RHOQ: variants seen among roughly 807,000 people sequenced by gnomAD.
RHOQ encodes the protein ras homolog family member Q, also known as rho-related GTP-binding protein RhoQ.
RHOQ carries 7 observed loss-of-function variants against 25.8 expected under a neutral mutation model. The observed-to-expected ratio is 0.27, with a 90% CI of 0.15 to 0.51. The LOEUF (loss-of-function observed/expected upper bound fraction) is 0.51, where lower values mean the gene tolerates loss of function less well. RHOQ is among the 20% of genes least tolerant of loss of function. RHOQ has a pLI of 0.97. For missense variants in RHOQ, 165 were observed against 260.6 expected (o/e 0.63, Z 2.53); for synonymous variants, 97 against 98.6 (o/e 0.98, Z 0.10).
At position 46,569,100 on chromosome 2, in the gene RHOQ, G is replaced by A. The variant is rs1169434037; in HGVS notation, c.202-6987G>A. 2 of 152,202 alleles carry A rather than the reference G, an allele frequency of 1.3e-5. No homozygotes were observed. The highest frequency in any genetic ancestry group is 2.9e-5 in the Non-Finnish European group (2 of 68,046). The allele number at this position is 152,202 out of a possible 1,614,324, so 9.4% of individuals were successfully genotyped here. A position where few individuals can be genotyped will look rare whatever the true frequency, so the allele number is the denominator to read the frequency against. On this transcript the variant is annotated intron_variant, in intron 2 of 4. Transcript: ENST00000238738. This position sits in a 1 kb window ranked among gnomAD's most constrained non-coding sequence, Gnocchi z 4.1. ...CACCTCACCATGCACAGAAGAAATA[G>A]CACTGGCTCCGAAGTTGTGGTTTGT...
rs1482031535 is a variant in RHOQ, at chr2:46,555,270, GC to G, written c.201+11459del. 1.3e-5 allele frequency among the ~76,000 whole-genome samples: 2 copies of G among 152,234 alleles called. No homozygotes were observed. Among genetic ancestry groups the G allele is most frequent in the African/African-American group, 4.8e-5 (2 of 41,462 alleles). The stretch of plus-strand genomic sequence containing the variant: ...CCACTAAGTGAATTGTCTCCAGGCT[GC>G]ACTCTAGCATTTGGTTTTATTCATG... On this transcript the variant is annotated intron_variant, in intron 2 of 4. Transcript: ENST00000238738. The surrounding 1 kb of genome is among the most constrained non-coding windows in gnomAD (Gnocchi z 4.3).
chr2:46,558,405 C>T (rs1668467217), intron 2 of RHOQ, among the ~76,000 whole-genome samples: 1 of 152,240 alleles, frequency 6.6e-6, no homozygotes, highest in African/African-American at 2.4e-5. Context: ...TTTATTCCTT[C>T]ATACCGGACT....
chr2:46,564,210 C>G (rs919521376), intron 2 of RHOQ, among the ~76,000 whole-genome samples: 1 of 152,052 alleles, frequency 6.6e-6, no homozygotes, highest in Non-Finnish European at 1.5e-5. Flanking sequence ...AAGACTGAGG[C>G]AGGAAGATTG....
chr2:46,575,839 T>C (rs1014435553), intron 2 of RHOQ, among the ~76,000 whole-genome samples: 3 of 152,220 alleles, frequency 2.0e-5, no homozygotes, highest in African/African-American at 7.2e-5. Flanking sequence ...TTAGTGATCA[T>C]AATGTATTTT....
chr2:46,543,694 T>C, intron 1 of RHOQ, 60 bp from the exon 2 acceptor site: 1 of 1,519,888 alleles, frequency 6.6e-7, no homozygotes, highest in Non-Finnish European at 9.1e-7. Flanking sequence ...GGGAGCGAAA[T>C]TGCCCCAGAG....
In RHOQ at chr2:46,576,982, T is replaced by C; in HGVS notation, c.462+326T>C. 1 of 198,878 alleles carries C rather than the reference T, an allele frequency of 5.0e-6. No individual in the cohort carries two copies. The highest frequency in any genetic ancestry group is 1.0e-5 in the Non-Finnish European group (1 of 99,080). 12.3% of individuals were successfully genotyped at this position (198,878 alleles called of 1,614,324 possible). A position where few individuals can be genotyped will look rare whatever the true frequency, so the allele number is the denominator to read the frequency against. On this transcript the variant is annotated intron_variant, in intron 4 of 4. Transcript: ENST00000238738. The surrounding 1 kb of genome is among the most constrained non-coding windows in gnomAD (Gnocchi z 5.1). Reference sequence around the variant, plus strand: ...AGTGATATTTTCCTAAAAAGTCACATATGGAAAAAAGCATCGGAAACACGT... The same window carrying C: ...AGTGATATTTTCCTAAAAAGTCACACATGGAAAAAAGCATCGGAAACACGT...
intron 2 of RHOQ, among the ~76,000 whole-genome samples, chr2:46,563,136 T>C (rs556725520): frequency 6.6e-6 from 1 of 152,128 alleles, no homozygotes; most frequent in South Asian, 2.1e-4. Flanking sequence ...ACTCAGAGAC[T>C]CAGGAGGTCT....
chr2:46,569,890 A>G lies in RHOQ; in HGVS notation c.202-6197A>G, dbSNP rs1406951291. On this transcript the variant is annotated intron_variant, in intron 2 of 4. Coordinates refer to ENST00000238738, the MANE Select transcript of RHOQ (RefSeq NM_012249.4). The surrounding 1 kb of genome is among the most constrained non-coding windows in gnomAD (Gnocchi z 4.1). ...CAGTGACCTCTTAAGAATTTATAGC[A>G]CCTAAAAAAACCTTTCTCTTCCCCA... Among the ~76,000 whole-genome samples, 1 of 152,134 alleles carries G rather than the reference A, an allele frequency of 6.6e-6. No individual in the cohort carries two copies. Among genetic ancestry groups the G allele is most frequent in the East Asian group, 1.9e-4 (1 of 5,192 alleles).
chr2:46,570,294 G>T (rs533625882), intron 2 of RHOQ, among the ~76,000 whole-genome samples: 1 of 152,036 alleles, frequency 6.6e-6, no homozygotes, highest in African/African-American at 2.4e-5. Context: ...CAAAAAATTA[G>T]CCAGCCATGG....
intron 4 of RHOQ, chr2:46,577,015 CT>C (rs1669151106): frequency 5.8e-6 from 1 of 171,260 alleles, no homozygotes; most frequent in Non-Finnish European, 1.2e-5. Flanking sequence ...CGTGTCACTA[CT>C]TTCAACCCTT....
At chr2:46,554,234 A>G (rs1158500945) in intron 2 of RHOQ, among the ~76,000 whole-genome samples, 1 of 152,096 alleles carries the variant, frequency 6.6e-6, no homozygotes, top group Admixed American at 6.5e-5. Context: ...AATTACTGGA[A>G]TGAATTGAAT....
intron 2 of RHOQ, among the ~76,000 whole-genome samples, chr2:46,547,623 G>C (rs1022331377): frequency 2.0e-5 from 3 of 152,230 alleles, no homozygotes; most frequent in African/African-American, 7.2e-5. Context: ...TGGAGTGGAA[G>C]TTGACCGAGG....
chr2:46,557,412 A>G (rs1253139915), intron 2 of RHOQ, among the ~76,000 whole-genome samples: 2 of 152,254 alleles, frequency 1.3e-5, no homozygotes, highest in Non-Finnish European at 2.9e-5. Flanking sequence ...AAGAAATGTG[A>G]AAAGGCTAAT....
intron 2 of RHOQ, among the ~76,000 whole-genome samples, chr2:46,546,451 C>CATATATATATATATATATATGTATAT (rs1668047241): frequency 1.9e-4 from 9 of 47,156 alleles, no homozygotes; most frequent in Non-Finnish European, 3.4e-4. Flanking sequence ...TACACATATA[C>CATATATATATATATATATATGTATAT]ATATATATAT....
At chr2:46,565,251 G>C (rs554618569) in intron 2 of RHOQ, among the ~76,000 whole-genome samples, 2 of 152,310 alleles carry the variant, frequency 1.3e-5, no homozygotes, top group East Asian at 3.9e-4. Flanking sequence ...GCTAAGTATG[G>C]GGCCAGGGTC....
intron 2 of RHOQ, among the ~76,000 whole-genome samples, chr2:46,553,364 G>A (rs1236819645): frequency 1.3e-5 from 2 of 151,794 alleles, no homozygotes; most frequent in African/African-American, 2.4e-5. Context: ...GTGTATAGTA[G>A]GCGTAAACAT....
At chr2:46,543,716 G>A (rs776512095) in intron 1 of RHOQ, 38 bp from the exon 2 acceptor site, 3 of 1,599,520 alleles carry the variant, frequency 1.9e-6, no homozygotes, top group Non-Finnish European at 2.6e-6. Flanking sequence ...CCAGGTCACT[G>A]TGAGCTTCTC....
intron 2 of RHOQ, among the ~76,000 whole-genome samples, chr2:46,557,104 AGAAAG>A (rs1668433019): frequency 6.6e-6 from 1 of 152,224 alleles, no homozygotes; most frequent in African/African-American, 2.4e-5. Context: ...GTTGAAAAGG[AGAAAG>A]GAAAGTAAAT....
chr2:46,545,709 G>A (rs899408476), intron 2 of RHOQ, among the ~76,000 whole-genome samples: 18 of 152,068 alleles, frequency 1.2e-4, no homozygotes, highest in Non-Finnish European at 5.9e-5. Flanking sequence ...GACACCATGG[G>A]AATGCTGAGA....
Sources: gnomAD v4.1 joint callset for allele counts (sites outside exome capture counted in the v4.1 genomes callset) on GRCh38, gnomAD v4.1.1 for gene constraint, Gnocchi (gnomAD v3.1) non-coding constraint, MANE v1.5 for transcripts, NCBI Gene and HGNC (gene_info 2026-07-23, HGNC 2026-07-21) for gene names.